Variants in MYO16 observed in about 807,000 individuals in gnomAD.
The protein encoded by MYO16 is unconventional myosin-XVI.
MYO16 carries 94 observed loss-of-function variants against 205.3 expected under a neutral mutation model. The observed-to-expected ratio is 0.46, with a 90% CI of 0.39 to 0.54. The LOEUF (loss-of-function observed/expected upper bound fraction) is 0.54, where lower values mean the gene tolerates loss of function less well. Ranked by LOEUF, MYO16 falls within the 20% of genes least tolerant of loss-of-function variation. MYO16 has a pLI of 0.00. For synonymous variants in MYO16, 988 were observed against 954.0 expected (o/e 1.04, Z -0.66); for missense variants, 2,315 against 2,387.5 (o/e 0.97, Z 0.63).
chr13:108,813,374 C>T (rs1164768916), intron 7 of MYO16, among the ~76,000 whole-genome samples: 1 of 152,106 alleles, frequency 6.6e-6, no homozygotes, highest in Non-Finnish European at 1.5e-5. Flanking sequence ...ATATGTAATT[C>T]AAGTGGGGTA....
chr13:108,721,415 G>A (rs574543727), intron 3 of MYO16, among the ~76,000 whole-genome samples: 1 of 152,274 alleles, frequency 6.6e-6, no homozygotes, highest in South Asian at 2.1e-4. Context: ...AGTCCAGGAG[G>A]GATGACATTT....
the MYO16 span, among the ~76,000 whole-genome samples, chr13:108,585,806 G>C: frequency 6.6e-6 from 1 of 152,138 alleles, no homozygotes. Flanking sequence ...AGACCCCTTA[G>C]GTAGGAATTT....
intron 4 of MYO16, among the ~76,000 whole-genome samples, chr13:108,748,041 G>T (rs934611574): frequency 6.6e-6 from 1 of 152,004 alleles, no homozygotes; most frequent in African/African-American, 2.4e-5. Flanking sequence ...CCAGCCAACT[G>T]CAGCAAAACA....
chr13:108,753,230 T>G (rs894316178), intron 4 of MYO16, among the ~76,000 whole-genome samples: 1 of 151,378 alleles, frequency 6.6e-6, no homozygotes, highest in African/African-American at 2.4e-5. Flanking sequence ...ATTAGCCGGG[T>G]GTGTTGGCGG....
chr13:108,594,023 C>T (rs1329498585), upstream of MYO16, among the ~76,000 whole-genome samples: 1 of 152,174 alleles, frequency 6.6e-6, no homozygotes, highest in African/African-American at 2.4e-5. Context: ...CAAGACCCCT[C>T]TGTAACATAT....
intron 11 of MYO16, among the ~76,000 whole-genome samples, chr13:108,859,143 T>A (rs892746436): frequency 6.6e-6 from 1 of 152,190 alleles, no homozygotes; most frequent in East Asian, 1.9e-4. Flanking sequence ...ATTTAGATTC[T>A]TATAAATACC....
the MYO16 span, among the ~76,000 whole-genome samples, chr13:108,543,866 G>A: frequency 1.3e-5 from 2 of 148,932 alleles, no homozygotes; most frequent in African/African-American, 4.9e-5. Flanking sequence ...AGGAGTTCGA[G>A]ACCAGCCCGG....
At chr13:109,096,948 C>G (rs752777885) in intron 27 of MYO16, among the ~76,000 whole-genome samples, 1 of 152,198 alleles carries the variant, frequency 6.6e-6, no homozygotes, top group Non-Finnish European at 1.5e-5. Context: ...CAGTTTCTTT[C>G]CCATTTGAAC....
the MYO16 span, among the ~76,000 whole-genome samples, chr13:108,510,484 T>A: frequency 3.6e-5 from 4 of 110,412 alleles, no homozygotes; most frequent in Non-Finnish European, 7.8e-5. Flanking sequence ...TTTTTTTTTT[T>A]TATTGTACTT....
rs148427002 is a variant in MYO16 at position 108,618,900 on chromosome 13, T to G, written c.-39+22661T>G. ...GTACAATTCAACCAATCTTAATGTA[T>G]CTCTCTATATTTATACGTGTGCAAC... On this transcript the variant is annotated intron_variant, in intron 1 of 24. Coordinates refer to the MYO16 transcript ENST00000251041. 3.2e-3 allele frequency among the ~76,000 whole-genome samples: 483 copies of G among 152,274 alleles called. 2 individuals are homozygous for G. The highest frequency in any genetic ancestry group is 3.7e-3 in the Non-Finnish European group (251 of 68,026).
intron 2 of MYO16, among the ~76,000 whole-genome samples, chr13:108,705,410 T>A (rs1883472874): frequency 6.6e-6 from 1 of 152,170 alleles, no homozygotes; most frequent in Non-Finnish European, 1.5e-5. Flanking sequence ...CACACAGGCA[T>A]TTTATTATCT....
intron 34 of MYO16, among the ~76,000 whole-genome samples, chr13:109,192,698 G>T (rs1879975014): frequency 6.6e-6 from 1 of 152,058 alleles, no homozygotes; most frequent in Admixed American, 6.6e-5. Flanking sequence ...CCCAAAGCTG[G>T]ATACAGAATC....
chr13:108,609,092 G>A (rs888893807), intron 1 of MYO16, among the ~76,000 whole-genome samples: 1 of 152,152 alleles, frequency 6.6e-6, no homozygotes, highest in Non-Finnish European at 1.5e-5. Flanking sequence ...TCCATAGGCA[G>A]GTTCAGCTCC....
At chr13:109,105,554 A>G (rs1479499457) in intron 28 of MYO16, among the ~76,000 whole-genome samples, 1 of 152,252 alleles carries the variant, frequency 6.6e-6, no homozygotes, top group Non-Finnish European at 1.5e-5. Context: ...CTTTATATCT[A>G]CGTGTATAAG....
At chr13:108,949,834 A>G (rs965967109) in intron 16 of MYO16, among the ~76,000 whole-genome samples, 4 of 152,188 alleles carry the variant, frequency 2.6e-5, no homozygotes, top group Admixed American at 6.5e-5. Context: ...CACAAAGATC[A>G]AAGGAAGAGA....
In MYO16 at chr13:109,179,590, G is replaced by A; in HGVS notation, c.5372G>A (p.Gly1791Glu). ...GYSRLSISGT[G>E]TSTFQRHRDS... Reference sequence around the variant, plus strand: ...TCACGGTTGTCTATAAGTGGCACAGGGACTTCGACATTTCAAAGACACAGG... The same window carrying A: ...TCACGGTTGTCTATAAGTGGCACAGAGACTTCGACATTTCAAAGACACAGG... Residue 1791 changes from glycine to glutamate, a missense_variant, in exon 34 of 35, where the codon GGG (glycine) becomes GAG (glutamate). Gly to Glu is a moderately conservative substitution (Grantham distance 98, BLOSUM62 -2). This residue lies in a region of MYO16 where 1,097 missense variants were observed against 1,092.0 expected (regional missense o/e 1.00). Coordinates refer to ENST00000457511, the MANE Select transcript of MYO16 (RefSeq NM_001198950.3). 6.2e-7 allele frequency: 1 copy of A among 1,613,994 alleles called. No individual in the cohort carries two copies. The highest frequency in any genetic ancestry group is 8.5e-7 in the Non-Finnish European group (1 of 1,179,898).
intron 23 of MYO16, among the ~76,000 whole-genome samples, chr13:109,028,251 T>TA (rs1166670027): frequency 1.4e-5 from 2 of 140,728 alleles, no homozygotes; most frequent in African/African-American, 2.6e-5. Flanking sequence ...ACATATAATA[T>TA]AAAAAATATA....
intron 13 of MYO16, among the ~76,000 whole-genome samples, chr13:108,887,225 C>T (rs2139177885): frequency 6.6e-6 from 1 of 152,228 alleles, no homozygotes; most frequent in African/African-American, 2.4e-5. Context: ...TACTCTTAGG[C>T]CCCAGTAGTT....
intron 1 of MYO16, among the ~76,000 whole-genome samples, chr13:108,611,993 T>C (rs1879193252): frequency 7.6e-6 from 1 of 131,602 alleles, no homozygotes; most frequent in South Asian, 2.6e-4. Flanking sequence ...TTTTTTTTTT[T>C]GAGACGGAGT....
Sources: allele counts gnomAD v4.1 joint callset (sites outside exome capture counted in the v4.1 genomes callset), GRCh38; gene constraint gnomAD v4.1.1; regional missense constraint gnomAD v4.1.1; transcripts MANE v1.5; gene names NCBI Gene and HGNC (gene_info 2026-07-23, HGNC 2026-07-21).